Variants in KLHL14 observed in about 807,000 individuals in gnomAD.
The protein encoded by KLHL14 is kelch-like protein 14.
In KLHL14, 22 loss-of-function variants were observed where a neutral mutation model predicts 64.3. That is an observed-to-expected ratio of 0.34 (90% CI 0.24 to 0.49). The LOEUF is 0.49. Ranked by LOEUF, KLHL14 falls within the 20% of genes least tolerant of loss-of-function variation. The probability of loss-of-function intolerance (pLI) is 0.99; values close to 1 mark genes in which losing one functional copy is unlikely to be tolerated. For synonymous variants in KLHL14, 322 were observed against 333.4 expected (o/e 0.97, Z 0.37); for missense variants, 661 against 789.0 (o/e 0.84, Z 1.94).
chr18:32,726,497 G>A (rs1045288878), intron 3 of KLHL14, among the ~76,000 whole-genome samples: 15 of 151,916 alleles, frequency 9.9e-5, no homozygotes, highest in Admixed American at 7.9e-4. Flanking sequence ...GGTCGTGGGC[G>A]CCTGTAATCC....
intron 3 of KLHL14, among the ~76,000 whole-genome samples, chr18:32,727,749 AATG>A (rs1320024695): frequency 6.6e-5 from 10 of 152,350 alleles, no homozygotes; most frequent in Admixed American, 3.3e-4. Flanking sequence ...TGATAAAGTT[AATG>A]ATTATGGTAA....
chr18:32,730,409 T>G (rs2050131668), intron 3 of KLHL14, among the ~76,000 whole-genome samples: 1 of 152,222 alleles, frequency 6.6e-6, no homozygotes. Context: ...AAAAATCTCA[T>G]GTACTCTGTG....
At chr18:32,712,779 A>G (rs2050026126) in intron 3 of KLHL14, among the ~76,000 whole-genome samples, 1 of 152,154 alleles carries the variant, frequency 6.6e-6, no homozygotes, top group African/African-American at 2.4e-5. Context: ...TCATAATTCC[A>G]TGGACACAAT....
intron 3 of KLHL14, among the ~76,000 whole-genome samples, chr18:32,736,812 T>G (rs2050168607): frequency 6.6e-6 from 1 of 152,110 alleles, no homozygotes; most frequent in East Asian, 1.9e-4. Context: ...ACCCATTTTT[T>G]CAGAGTTACA....
At chr18:32,769,404 A>T (rs954023310) in intron 2 of KLHL14, among the ~76,000 whole-genome samples, 14 of 151,976 alleles carry the variant, frequency 9.2e-5, no homozygotes, top group Middle Eastern at 3.4e-3. Flanking sequence ...GGCTCTGGGG[A>T]TATCTAGAAC....
rs2050183039 is a variant in KLHL14, at chr18:32,739,331, C to T, written c.1069+2597G>A. Among the ~76,000 whole-genome samples, 4 of 151,678 alleles carry T rather than the reference C, an allele frequency of 2.6e-5. No individual in the cohort carries two copies. In the South Asian group the frequency reaches 8.3e-4, roughly 32 times the overall value. ...GATTTCTTCATTTATTATTAGATGG[C>T]CCAAAGCATAGCAATCTGTCAGTTG... On this transcript the variant is annotated intron_variant, in intron 3 of 8. Transcript: ENST00000359358.
In KLHL14 at chr18:32,684,740, A is replaced by G. The variant is rs77414422; in HGVS notation, c.1238+2415T>C. On this transcript the variant is annotated intron_variant, in intron 5 of 8. Transcript: ENST00000359358. ...TCATGATCTACACAATGTAAAATTA[A>G]CTAAATGTTTTAAGCAACTTTTCTG... Among the ~76,000 whole-genome samples the G allele has an allele frequency of 7.1e-3, 1,087 of 152,332 alleles. 11 individuals are homozygous for G. Among genetic ancestry groups the G allele is most frequent in the African/African-American group, 0.025 (1,028 of 41,568 alleles).
intron 2 of KLHL14, among the ~76,000 whole-genome samples, chr18:32,759,934 T>C (rs904774259): frequency 3.5e-4 from 53 of 152,086 alleles, no homozygotes; most frequent in African/African-American, 1.3e-3. Context: ...AAATAGAAAG[T>C]GGTGAGGGCC....
At chr18:32,705,389 T>G (rs974015178) in intron 3 of KLHL14, among the ~76,000 whole-genome samples, 1 of 152,206 alleles carries the variant, frequency 6.6e-6, no homozygotes, top group African/African-American at 2.4e-5. Context: ...GTGTACCCTA[T>G]ACATTATTAT....
Position 32,770,455 on chromosome 18 carries a change from C to T in KLHL14, c.137G>A (p.Cys46Tyr), listed in dbSNP as rs1330615523. The change falls in exon 2 of 9, where the codon TGC (cysteine) becomes TAC (tyrosine). Residue 46 changes from cysteine (C) to tyrosine (Y), a missense_variant. By Grantham distance (194) the Cys-to-Tyr change is radical (BLOSUM62 -2). Around this residue, in one of 2 missense-constraint regions of KLHL14, gnomAD observed 331 missense variants for 339.0 expected, o/e 0.98. Transcript: ENST00000359358. The surrounding 1 kb of genome is among the most constrained non-coding windows in gnomAD (Gnocchi z 6.7). ...GCAGGAGGCCAGCACGGCCTTGTGG[C>T]AATGGAACTGCTGGCCCTGGGCCGT... ...TLTAQGQQFHCHKAVLASCSQ... is the reference protein window; with the variant it reads ...TLTAQGQQFHYHKAVLASCSQ... 6.2e-7 allele frequency: 1 copy of T among 1,612,384 alleles called. No individual in the cohort carries two copies. Among genetic ancestry groups the T allele is most frequent in the Non-Finnish European group, 8.5e-7 (1 of 1,179,808 alleles).
intron 2 of KLHL14, among the ~76,000 whole-genome samples, chr18:32,756,417 A>T (rs991615874): frequency 4.0e-5 from 6 of 151,652 alleles, no homozygotes; most frequent in African/African-American, 1.5e-4. Flanking sequence ...ACACACACAC[A>T]CACACACATG....
chr18:32,722,060 T>G (rs1568074248), intron 3 of KLHL14, among the ~76,000 whole-genome samples: 1 of 152,132 alleles, frequency 6.6e-6, no homozygotes, highest in Non-Finnish European at 1.5e-5. Context: ...GATGGTTTTA[T>G]AAAAGGGAAG....
chr18:32,709,186 CACTT>C lies in KLHL14; in HGVS notation c.1070-13638_1070-13635del, dbSNP rs1459588763. On this transcript the variant is annotated intron_variant, in intron 3 of 8. Transcript: ENST00000359358. ...CCAAGCTCTTTTCCACACTCTGCCTCACTTACGGTGCTCCAACCATACCGGCTGC... is the reference window on the plus strand; with the variant it reads ...CCAAGCTCTTTTCCACACTCTGCCTCACGGTGCTCCAACCATACCGGCTGC... Among the ~76,000 whole-genome samples, 6 of 152,328 alleles carry C rather than the reference CACTT, an allele frequency of 3.9e-5. No homozygotes were observed. In the East Asian group the frequency reaches 9.7e-4, roughly 25 times the overall value.
intron 3 of KLHL14, among the ~76,000 whole-genome samples, chr18:32,713,790 A>G (rs550663239): frequency 1.3e-5 from 2 of 152,210 alleles, no homozygotes; most frequent in East Asian, 3.9e-4. Context: ...CTAAACTAAT[A>G]TTTATTCAAT....
At chr18:32,687,924 G>T (rs1481894307) in intron 4 of KLHL14, among the ~76,000 whole-genome samples, 1 of 152,146 alleles carries the variant, frequency 6.6e-6, no homozygotes, top group East Asian at 1.9e-4. Flanking sequence ...TAAGTTCTGT[G>T]TGTGTATTTG....
intron 3 of KLHL14, among the ~76,000 whole-genome samples, chr18:32,707,832 T>C (rs1307042373): frequency 6.6e-6 from 1 of 152,226 alleles, no homozygotes; most frequent in African/African-American, 2.4e-5. Context: ...TGTATCCTTT[T>C]GCTGTAATAA....
chr18:32,681,371 G>T (rs2144466923), intron 5 of KLHL14, among the ~76,000 whole-genome samples: 1 of 152,182 alleles, frequency 6.6e-6, no homozygotes, highest in East Asian at 1.9e-4. Flanking sequence ...AGACACTGAG[G>T]ACCTGAATTA....
At chr18:32,753,294 A>G (rs2050265772) in intron 2 of KLHL14, among the ~76,000 whole-genome samples, 1 of 151,920 alleles carries the variant, frequency 6.6e-6, no homozygotes, top group African/African-American at 2.4e-5. Flanking sequence ...TTACATTCCA[A>G]CTCTGCCACT....
chr18:32,716,996 T>C (rs1055923581), intron 3 of KLHL14, among the ~76,000 whole-genome samples: 6 of 152,214 alleles, frequency 3.9e-5, no homozygotes, highest in Non-Finnish European at 7.3e-5. Context: ...CAACTCGGAA[T>C]GAGATTGAAA....
Sources: allele counts gnomAD v4.1 joint callset (sites outside exome capture counted in the v4.1 genomes callset), GRCh38; gene constraint gnomAD v4.1.1; regional missense constraint gnomAD v4.1.1; non-coding constraint Gnocchi (gnomAD v3.1); transcripts MANE v1.5; gene names NCBI Gene and HGNC (gene_info 2026-07-23, HGNC 2026-07-21).